PXMP4: variants seen among roughly 807,000 people sequenced by gnomAD.
PXMP4 encodes peroxisomal membrane protein 4, also known as 24 kDa peroxisomal intrinsic membrane protein.
In PXMP4, 16 loss-of-function variants were observed where a neutral mutation model predicts 21.6. The observed-to-expected ratio is 0.74, with a 90% CI of 0.50 to 1.13. PXMP4 has a LOEUF of 1.13. Among genes scored for constraint, PXMP4 ranks in the 50% most tolerant of loss-of-function variants. The pLI, the probability that PXMP4 is intolerant of heterozygous loss-of-function variation, is 0.00. For missense variants in PXMP4, 240 were observed against 277.7 expected, an observed-to-expected ratio of 0.86 and a Z score of 0.96; for synonymous variants, 127 against 123.8, an observed-to-expected ratio of 1.03 and a Z score of -0.17.
In PXMP4 at chr20:33,707,532, A is replaced by G. The variant is rs1489240733; in HGVS notation, c.*174T>C. 1 of 949,370 alleles carries G rather than the reference A, an allele frequency of 1.1e-6. No homozygotes were observed. The highest frequency in any genetic ancestry group is 1.5e-6 in the Non-Finnish European group (1 of 656,600). The allele number at this position is 949,370 out of a possible 1,614,324, so 58.8% of individuals were successfully genotyped here. The stretch of plus-strand genomic sequence containing the variant: ...TCAGCCTGATTCGGCCACTTGTGCC[A>G]CCATACAAAGGTACCCACTGGGATT... On this transcript the variant is annotated 3_prime_UTR_variant, in exon 4 of 4. Coordinates refer to ENST00000409299, the MANE Select transcript of PXMP4 (RefSeq NM_007238.5).
In PXMP4 at chr20:33,705,217, T is replaced by G. The variant is rs1273953607; in HGVS notation, c.*2489A>C. On this transcript the variant is annotated 3_prime_UTR_variant, in exon 4 of 4. Transcript: ENST00000409299. Reference sequence around the variant, plus strand: ...GTTGGCCAGGCTGGTCTCGAACTCCTGACCTCAGGTGATCCACCCGCCTCG... The same window carrying G: ...GTTGGCCAGGCTGGTCTCGAACTCCGGACCTCAGGTGATCCACCCGCCTCG... 6.6e-6 allele frequency: 1 copy of G among 151,576 alleles called. No homozygotes were observed. Among genetic ancestry groups the G allele is most frequent in the Non-Finnish European group, 1.5e-5 (1 of 67,814 alleles). 9.4% of individuals were successfully genotyped at this position (151,576 alleles called of 1,614,324 possible).
Position 33,720,238 on chromosome 20 carries a change from G to T in PXMP4, c.-31C>A. The T allele has an allele frequency of 6.3e-7, 1 of 1,579,716 alleles. No individual in the cohort carries two copies. Among genetic ancestry groups the T allele is most frequent in the Non-Finnish European group, 8.6e-7 (1 of 1,160,290 alleles). The stretch of plus-strand genomic sequence containing the variant: ...GGGCTGCGCGCAGGGTCGGGGTTAG[G>T]AACTGTAAGCGCACTGACAGCCGGA... On this transcript the variant is annotated 5_prime_UTR_variant, in exon 1 of 4. Coordinates refer to ENST00000409299, the MANE Select transcript of PXMP4 (RefSeq NM_007238.5).
rs779024301 is a variant in PXMP4 at position 33,707,720 on chromosome 20, G to C, written c.625C>G (p.Arg209Gly). 1.9e-6 allele frequency: 3 copies of C among 1,613,768 alleles called. No individual in the cohort carries two copies. The Admixed American group carries it at 5.0e-5, about 27-fold the overall frequency. Residue 209 changes from arginine (R) to glycine (G), a missense_variant, in exon 4 of 4, where the codon CGT becomes GGT. Arg to Gly is a moderately radical substitution (Grantham distance 125, BLOSUM62 -2). Coordinates refer to ENST00000409299, the MANE Select transcript of PXMP4 (RefSeq NM_007238.5). Reference protein sequence around the residue: ...ISDFLVYNKSRPSN With the variant: ...ISDFLVYNKSGPSN ...TCAGGGCTGCATTAATTGGAGGGAC[G>C]GCTCTTGTTATAGACGAGGAAGTCT...
chr20:33,718,510 CAAAAAAAAAAAAAAAA>C lies in PXMP4; in HGVS notation c.113+1569_113+1584del, dbSNP rs34706596. On this transcript the variant is annotated intron_variant, in intron 1 of 3. Coordinates refer to ENST00000409299, the MANE Select transcript of PXMP4 (RefSeq NM_007238.5). Reference sequence around the variant, plus strand: ...TGGGCAACAGAGCGACACTCCATCTCAAAAAAAAAAAAAAAAAAAAAAAAAAAAAACTTGGCAAAAG... The same window carrying C: ...TGGGCAACAGAGCGACACTCCATCTCAAAAAAAAAAAAAACTTGGCAAAAG... Among the ~76,000 whole-genome samples the C allele has an allele frequency of 6.3e-3, 348 of 54,820 alleles. 4 individuals are homozygous for C. The highest frequency in any genetic ancestry group is 0.022 in the African/African-American group (325 of 14,706). 36.0% of individuals were successfully genotyped at this position (54,820 alleles called of 152,430 possible).
rs748743037 is a variant in PXMP4 at position 33,710,541 on chromosome 20, G to A, written c.375+14C>T. On this transcript the variant is annotated intron_variant, in intron 3 of 3. Transcript: ENST00000409299. The stretch of plus-strand genomic sequence containing the variant: ...ACGCCCCCTTCACTACCCCCATCTC[G>A]GGAGGATCTTTACCTGGCTGTTGAT... The A allele has an allele frequency of 1.4e-5, 21 of 1,457,854 alleles. No individual in the cohort carries two copies. The highest frequency in any genetic ancestry group is 1.9e-5 in the Non-Finnish European group (21 of 1,082,978). The allele number at this position is 1,457,854 out of a possible 1,614,324, so 90.3% of individuals were successfully genotyped here.
intron 2 of PXMP4, among the ~76,000 whole-genome samples, 195 bp downstream of exon 2, chr20:33,714,479 C>T (rs991240059): frequency 6.6e-6 from 1 of 151,960 alleles, no homozygotes; most frequent in East Asian, 1.9e-4. Context: ...AGATCATCAC[C>T]GCACTCTGAC....
At chr20:33,719,490 A>C (rs2018423587) in intron 1 of PXMP4, among the ~76,000 whole-genome samples, 1 of 152,204 alleles carries the variant, frequency 6.6e-6, no homozygotes, top group Admixed American at 6.5e-5. Context: ...CTAGGTTTAA[A>C]GGAGACTGAG....
In PXMP4 at chr20:33,707,859, C is replaced by G; in HGVS notation, c.486G>C (p.Val162=). Residue 162 remains valine, a synonymous_variant, in exon 4 of 4, where the codon GTG becomes GTC. Transcript: ENST00000409299. The part of the protein sequence containing the change: ...RWDPFPLLTA[V]VWGLVLWLFE... ...AGAGCCACAGCACCAGCCCCCACAC[C>G]ACCGCAGTGAGCAGCGGGAACGGGT... 6.2e-7 allele frequency: 1 copy of G among 1,614,136 alleles called. No individual in the cohort carries two copies. The highest frequency in any genetic ancestry group is 1.1e-5 in the South Asian group (1 of 91,082).
intron 2 of PXMP4, among the ~76,000 whole-genome samples, chr20:33,711,593 G>A (rs747953317): frequency 1.7e-4 from 26 of 152,094 alleles, no homozygotes; most frequent in Non-Finnish European, 3.1e-4. Flanking sequence ...TAGAGGCCAG[G>A]TGCAGTGGCT....
chr20:33,719,508 C>T (rs906776525), intron 1 of PXMP4, among the ~76,000 whole-genome samples: 4 of 152,226 alleles, frequency 2.6e-5, no homozygotes, highest in African/African-American at 9.6e-5. Context: ...GAGCTCCCCT[C>T]TAGGCACCAG....
Position 33,708,433 on chromosome 20 carries a change from C to T in PXMP4, c.376-464G>A, listed in dbSNP as rs2018287633. Among the ~76,000 whole-genome samples the T allele has an allele frequency of 4.6e-5, 7 of 151,936 alleles. 1 individual carries two copies. The South Asian group carries it at 1.5e-3, about 32-fold the overall frequency. On this transcript the variant is annotated intron_variant, in intron 3 of 3. Coordinates refer to ENST00000409299, the MANE Select transcript of PXMP4 (RefSeq NM_007238.5). ...AACTCCTGACCTCAGATGATCTGCC[C>T]ACCTTGGCCTCCCAAAGTGCTGGGA...
intron 1 of PXMP4, among the ~76,000 whole-genome samples, chr20:33,718,540 A>AT (rs2018410050): frequency 7.6e-6 from 1 of 132,340 alleles, no homozygotes; most frequent in African/African-American, 3.0e-5. Context: ...AAAAAAAAAA[A>AT]CTTGGCAAAA....
At chr20:33,711,289 A>G (rs2018323319) in intron 2 of PXMP4, among the ~76,000 whole-genome samples, 1 of 152,168 alleles carries the variant, frequency 6.6e-6, no homozygotes, top group Non-Finnish European at 1.5e-5. Context: ...AATAATCACA[A>G]AAAGAACTTT....
chr20:33,718,510 CAAAAAAAAAAAAAAAAAAA>C (rs34706596), intron 1 of PXMP4, among the ~76,000 whole-genome samples: 3 of 54,798 alleles, frequency 5.5e-5, no homozygotes, highest in African/African-American at 2.0e-4. Context: ...CACTCCATCT[CAAAAAAAAAAAAAAAAAAA>C]AAAAAAAAAA....
intron 1 of PXMP4, 126 bp from the exon 2 acceptor site, chr20:33,714,862 C>G: frequency 2.2e-6 from 2 of 908,346 alleles, no homozygotes; most frequent in Non-Finnish European, 3.6e-6. Flanking sequence ...GAGGGGAAAT[C>G]ATGCTGGATG....
intron 1 of PXMP4, among the ~76,000 whole-genome samples, chr20:33,717,055 G>A (rs1770853739): frequency 6.6e-6 from 1 of 152,088 alleles, no homozygotes; most frequent in Non-Finnish European, 1.5e-5. Context: ...GCAGGCACCT[G>A]TAATCCCAGC....
chr20:33,716,989 A>G (rs1298193227), intron 1 of PXMP4, among the ~76,000 whole-genome samples: 1 of 152,178 alleles, frequency 6.6e-6, no homozygotes, highest in African/African-American at 2.4e-5. Flanking sequence ...AACCTGGACA[A>G]CATGGTGAAA....
intron 2 of PXMP4, among the ~76,000 whole-genome samples, chr20:33,711,366 CCCAGGCAGA>C (rs2018324214): frequency 6.6e-6 from 1 of 152,138 alleles, no homozygotes; most frequent in Non-Finnish European, 1.5e-5. Flanking sequence ...AGAGCCACAT[CCCAGGCAGA>C]GGGCTCAGCA....
intron 3 of PXMP4, among the ~76,000 whole-genome samples, chr20:33,708,311 G>A (rs1039005542): frequency 5.3e-5 from 8 of 150,262 alleles, no homozygotes; most frequent in East Asian, 2.0e-4. Flanking sequence ...CTCAGCCTCC[G>A]GAGTAGCTGG....
Sources: allele counts gnomAD v4.1 joint callset (sites outside exome capture counted in the v4.1 genomes callset), GRCh38; gene constraint gnomAD v4.1.1; transcripts MANE v1.5; gene names NCBI Gene and HGNC (gene_info 2026-07-23, HGNC 2026-07-21).